PCNT: variants seen among roughly 807,000 people sequenced by gnomAD.
PCNT encodes the protein kendrin.
In PCNT, 319 loss-of-function variants were observed where a neutral mutation model predicts 380.4. That is an observed-to-expected ratio of 0.84 (90% CI 0.77 to 0.92). The LOEUF (loss-of-function observed/expected upper bound fraction) is 0.92. Among genes scored for constraint, PCNT ranks in the 40% least tolerant of loss-of-function variants. PCNT has a pLI of 0.00. For synonymous variants in PCNT, 1,845 were observed against 1,735.2 expected (o/e 1.06, Z -1.57); for missense variants, 4,400 against 4,255.3 (o/e 1.03, Z -0.95).
Position 46,357,201 on chromosome 21 carries a change from G to T in PCNT, c.2154+10G>T. ...GGACGATTTGGAGAAGGTGAGTCGT[G>T]ACTCCACAGCCCAGCGCCTCCCGCC... On this transcript the variant is annotated intron_variant, in intron 13 of 46. Transcript: ENST00000359568. 6.3e-7 allele frequency: 1 copy of T among 1,579,230 alleles called. No homozygotes were observed. The highest frequency in any genetic ancestry group is 1.1e-5 in the South Asian group (1 of 90,424).
chr21:46,357,442 T>TTTTTG (rs765203265), intron 13 of PCNT, among the ~76,000 whole-genome samples: 13 of 152,224 alleles, frequency 8.5e-5, no homozygotes, highest in Non-Finnish European at 1.3e-4. Flanking sequence ...TGAAGATTTC[T>TTTTTG]TTTTGTTTTG....
At chr21:46,421,526 C>G (rs1239205116) in intron 31 of PCNT, among the ~76,000 whole-genome samples, 1 of 152,204 alleles carries the variant, frequency 6.6e-6, no homozygotes, top group African/African-American at 2.4e-5. Flanking sequence ...GACCCCATGG[C>G]AGGCACGGTC....
intron 16 of PCNT, among the ~76,000 whole-genome samples, chr21:46,383,990 A>G (rs1372385314): frequency 1.5e-5 from 2 of 132,310 alleles, no homozygotes; most frequent in Non-Finnish European, 1.6e-5. Context: ...ACCATGTTGT[A>G]TATTCAGTGG....
intron 16 of PCNT, among the ~76,000 whole-genome samples, chr21:46,382,169 T>G: frequency 7.7e-6 from 1 of 130,346 alleles, no homozygotes; most frequent in Non-Finnish European, 1.6e-5. Flanking sequence ...ATAGTGTAGA[T>G]TCAGTGGCGG....
chr21:46,376,412 A>C (rs1216646955), intron 15 of PCNT, among the ~76,000 whole-genome samples: 1 of 152,168 alleles, frequency 6.6e-6, no homozygotes, highest in African/African-American at 2.4e-5. Flanking sequence ...CCGGGAGCGC[A>C]GAGGTTTGCC....
In PCNT at chr21:46,430,225, C is replaced by T; in HGVS notation, c.7906C>T (p.Gln2636Ter). 1.2e-6 allele frequency: 2 copies of T among 1,612,770 alleles called. No individual in the cohort carries two copies. ...SLCEVQQEVLQLRSMLSSKEN... is the reference protein window; with the variant it reads ...SLCEVQQEVL ...CTGCGAGGTGCAGCAGGAGGTCCTC[C>T]AGCTGAGGTGCGCCTGATCCCCCTT... The change falls in exon 36 of 47, where the codon CAG (glutamine) becomes TAG (stop). Residue 2636 changes from glutamine to a stop codon, truncating the protein, a stop_gained. Coordinates refer to ENST00000359568, the MANE Select transcript of PCNT (RefSeq NM_006031.6). LOFTEE classifies it high-confidence loss of function.
rs61735803 is a variant in PCNT at position 46,363,795 on chromosome 21, C to G, written c.2470C>G (p.Leu824Val). ...LTEQQGRLQQLEQDLTSDDAL... is the reference protein window; with the variant it reads ...LTEQQGRLQQVEQDLTSDDAL... ...GGAGCAGCAGGGCCGCCTGCAGCAG[C>G]TGGAACAGGACCTCACTTCAGACGA... The change falls in exon 14 of 47, where the codon CTG becomes GTG. Residue 824 changes from leucine to valine, a missense_variant. Leu to Val is a conservative substitution (Grantham distance 32). Transcript: ENST00000359568. 4 of 1,613,634 alleles carry G rather than the reference C, an allele frequency of 2.5e-6. No individual in the cohort carries two copies. The highest frequency in any genetic ancestry group is 2.2e-5 in the East Asian group (1 of 44,882).
intron 45 of PCNT, 127 bp from the exon 46 acceptor site, chr21:46,444,567 C>A: frequency 1.1e-6 from 1 of 946,554 alleles, no homozygotes; most frequent in East Asian, 2.5e-5. Context: ...CAGAGTCACC[C>A]ATCCCCACGG....
intron 43 of PCNT, among the ~76,000 whole-genome samples, chr21:46,441,566 G>T (rs1337469711): frequency 1.3e-5 from 2 of 152,124 alleles, no homozygotes; most frequent in African/African-American, 2.4e-5. Flanking sequence ...GGCCAAAGTG[G>T]GGTGCAGGCG....
chr21:46,331,330 A>G (rs969927353), intron 2 of PCNT, among the ~76,000 whole-genome samples: 6 of 150,724 alleles, frequency 4.0e-5, no homozygotes, highest in Non-Finnish European at 7.4e-5. Context: ...CTGATATAAG[A>G]CATATTTTTA....
chr21:46,421,932 G>A, intron 31 of PCNT, 38 bp from the exon 32 acceptor site: 2 of 1,610,644 alleles, frequency 1.2e-6, no homozygotes, highest in Non-Finnish European at 1.7e-6. Context: ...ACCCCCTGGA[G>A]AGCTGTGGGT....
chr21:46,381,610 G>T, intron 15 of PCNT, 84 bp from the exon 16 acceptor site: 1 of 1,298,730 alleles, frequency 7.7e-7, no homozygotes. Flanking sequence ...ATGCATATCT[G>T]CTGAATGTGC....
At chr21:46,341,074 G>GT (rs934216928) in intron 3 of PCNT, among the ~76,000 whole-genome samples, 1 of 151,522 alleles carries the variant, frequency 6.6e-6, no homozygotes, top group African/African-American at 2.4e-5. Flanking sequence ...AGTAGAGATG[G>GT]GTTTCCCCAT....
chr21:46,347,420 A>T (rs755823292), intron 5 of PCNT, 37 bp from the exon 6 acceptor site: 3 of 1,606,596 alleles, frequency 1.9e-6, no homozygotes, highest in South Asian at 2.2e-5. Flanking sequence ...AAAGGTTGAG[A>T]TGGAGTGGCC....
intron 20 of PCNT, 123 bp downstream of exon 20, chr21:46,390,955 T>C (rs2086010434): frequency 7.8e-7 from 1 of 1,275,868 alleles, no homozygotes; most frequent in South Asian, 1.3e-5. Flanking sequence ...AAAGCCAACA[T>C]GGGAGGCACC....
At chr21:46,444,188 T>TAA (rs2053688754) in intron 45 of PCNT, among the ~76,000 whole-genome samples, 1 of 152,114 alleles carries the variant, frequency 6.6e-6, no homozygotes, top group East Asian at 1.9e-4. Flanking sequence ...AAAGAGTAAA[T>TAA]GGTGGCCGAG....
At chr21:46,331,935 A>G (rs1569159470) in intron 2 of PCNT, among the ~76,000 whole-genome samples, 1 of 152,176 alleles carries the variant, frequency 6.6e-6, no homozygotes. Context: ...CAAGGCAGGA[A>G]GATCACCTGA....
At chr21:46,380,099 A>G (rs947945875) in intron 15 of PCNT, among the ~76,000 whole-genome samples, 31 of 142,626 alleles carry the variant, frequency 2.2e-4, no homozygotes, top group African/African-American at 4.5e-4. Context: ...CAGTGCGGCT[A>G]TTAAACACTT....
In PCNT at chr21:46,411,839, C is replaced by T; in HGVS notation, c.5766C>T (p.Leu1922=). Residue 1922 remains leucine (L), a synonymous_variant, in exon 28 of 47, where the codon CTC becomes CTT. Coordinates refer to ENST00000359568, the MANE Select transcript of PCNT (RefSeq NM_006031.6). The stretch of plus-strand genomic sequence containing the variant: ...CGGCGCCTCCCGAGCTGCAGTGGCT[C>T]CGAGCGCAGTGTGCCCGCCTCAGCC... ...AGAAPPELQW[L]RAQCARLSRQ... The T allele has an allele frequency of 1.9e-6, 3 of 1,561,860 alleles. No individual in the cohort carries two copies. The highest frequency in any genetic ancestry group is 1.1e-5 in the South Asian group (1 of 88,074).
Sources: allele counts gnomAD v4.1 joint callset (sites outside exome capture counted in the v4.1 genomes callset), GRCh38; gene constraint gnomAD v4.1.1; transcripts MANE v1.5; gene names NCBI Gene and HGNC (gene_info 2026-07-23, HGNC 2026-07-21).